Variants in TRPC6 observed in about 807,000 individuals in gnomAD.
The protein encoded by TRPC6 is short transient receptor potential channel 6.
In TRPC6, 55 loss-of-function variants were observed where a neutral mutation model predicts 90.7. The observed-to-expected ratio is 0.61, with a 90% CI of 0.49 to 0.76. The LOEUF (loss-of-function observed/expected upper bound fraction) is 0.76, where lower values mean the gene tolerates loss of function less well. Ranked by LOEUF, TRPC6 falls within the 30% of genes least tolerant of loss-of-function variation. TRPC6 has a pLI of 0.00. For synonymous variants in TRPC6, 393 were observed against 393.0 expected (o/e 1.00, Z 0.00); for missense variants, 989 against 1,122.7 (o/e 0.88, Z 1.70).
chr11:101,518,259 C>T (rs1428056441), intron 1 of TRPC6, among the ~76,000 whole-genome samples: 2 of 152,036 alleles, frequency 1.3e-5, no homozygotes, highest in African/African-American at 4.8e-5. Flanking sequence ...AGAGACAACC[C>T]ACAGAATCGA....
chr11:101,479,107 C>A (rs11224783), intron 5 of TRPC6, among the ~76,000 whole-genome samples: 43,879 of 152,110 alleles, frequency 0.29, 7,878 homozygotes, highest in African/African-American at 0.51. Context: ...CCCCAGCCCC[C>A]TCAAGTGCTG....
chr11:101,466,430 G>A (rs1859147431), intron 10 of TRPC6, among the ~76,000 whole-genome samples: 1 of 152,240 alleles, frequency 6.6e-6, no homozygotes, highest in Non-Finnish European at 1.5e-5. Flanking sequence ...CTGGCAGTCT[G>A]GCCACAGTGG....
At chr11:101,514,341 G>C (rs1203874820) in intron 1 of TRPC6, among the ~76,000 whole-genome samples, 1 of 152,188 alleles carries the variant, frequency 6.6e-6, no homozygotes, top group African/African-American at 2.4e-5. Context: ...AAGTAGTGTG[G>C]CATATAAATG....
At chr11:101,461,319 C>CTT (rs1343442462) in intron 10 of TRPC6, among the ~76,000 whole-genome samples, 1 of 152,188 alleles carries the variant, frequency 6.6e-6, no homozygotes, top group African/African-American at 2.4e-5. Context: ...AATCCCAGCA[C>CTT]TTTGGGAGGC....
intron 1 of TRPC6, among the ~76,000 whole-genome samples, chr11:101,573,228 TCCCTA>T (rs1337613383): frequency 6.6e-6 from 1 of 152,086 alleles, no homozygotes; most frequent in Non-Finnish European, 1.5e-5. Context: ...ATTTCTTGAG[TCCCTA>T]CCAGATGCGA....
At chr11:101,482,101 G>A (rs551741146) in intron 5 of TRPC6, among the ~76,000 whole-genome samples, 2 of 152,120 alleles carry the variant, frequency 1.3e-5, no homozygotes, top group Admixed American at 6.6e-5. Context: ...CCCAATCTGT[G>A]TATGTTCATA....
At chr11:101,570,645 C>A (rs1424387626) in intron 1 of TRPC6, among the ~76,000 whole-genome samples, 1 of 152,182 alleles carries the variant, frequency 6.6e-6, no homozygotes, top group African/African-American at 2.4e-5. Flanking sequence ...CAAACCAAAT[C>A]CAGCAGCACA....
intron 2 of TRPC6, among the ~76,000 whole-genome samples, chr11:101,498,342 T>G (rs767306955): frequency 1.3e-5 from 2 of 152,218 alleles, no homozygotes; most frequent in Non-Finnish European, 2.9e-5. Context: ...ATTGTATTAA[T>G]GTTTTCTCCC....
chr11:101,559,784 C>T (rs12790232), intron 1 of TRPC6, among the ~76,000 whole-genome samples: 2 of 126,562 alleles, frequency 1.6e-5, no homozygotes, highest in Non-Finnish European at 3.3e-5. Flanking sequence ...TCCCTCCCCC[C>T]TCCCCCCACC....
intron 1 of TRPC6, among the ~76,000 whole-genome samples, chr11:101,546,823 A>G (rs190550103): frequency 1.3e-5 from 2 of 152,198 alleles, no homozygotes; most frequent in East Asian, 1.9e-4. Context: ...ATATCTATCA[A>G]TAATAGAATG....
chr11:101,558,757 T>G (rs1055345333), intron 1 of TRPC6, among the ~76,000 whole-genome samples: 1 of 152,060 alleles, frequency 6.6e-6, no homozygotes, highest in African/African-American at 2.4e-5. Flanking sequence ...GAATACACAA[T>G]GGTAACTATC....
chr11:101,457,305 C>T (rs1343292470), intron 10 of TRPC6, among the ~76,000 whole-genome samples: 1 of 152,122 alleles, frequency 6.6e-6, no homozygotes, highest in Non-Finnish European at 1.5e-5. Flanking sequence ...CCTTCTACCA[C>T]ATTTTATGCA....
chr11:101,477,622 G>A (rs1057025878), intron 5 of TRPC6, among the ~76,000 whole-genome samples: 1 of 152,064 alleles, frequency 6.6e-6, no homozygotes, highest in Non-Finnish European at 1.5e-5. Context: ...CCATGGATTC[G>A]AGAATTTCTT....
intron 1 of TRPC6, among the ~76,000 whole-genome samples, chr11:101,510,005 A>T (rs1860362092): frequency 6.6e-6 from 1 of 152,172 alleles, no homozygotes; most frequent in Non-Finnish European, 1.5e-5. Context: ...GCATATTACA[A>T]ATGCAGGCCC....
intron 1 of TRPC6, among the ~76,000 whole-genome samples, chr11:101,534,622 AAAAGAT>A (rs1860992352): frequency 6.6e-6 from 1 of 152,204 alleles, no homozygotes; most frequent in Non-Finnish European, 1.5e-5. Flanking sequence ...TACTATAGAT[AAAAGAT>A]TAATAACTCC....
intron 1 of TRPC6, among the ~76,000 whole-genome samples, chr11:101,507,006 A>ACACACAC (rs1860285275): frequency 7.6e-6 from 1 of 131,082 alleles, no homozygotes. Flanking sequence ...CTCTCTCTCT[A>ACACACAC]ACACACACAC....
intron 1 of TRPC6, among the ~76,000 whole-genome samples, chr11:101,536,421 AAG>A (rs1350100806): frequency 6.6e-6 from 1 of 150,674 alleles, no homozygotes; most frequent in Non-Finnish European, 1.5e-5. Flanking sequence ...AAAAAAAAGA[AAG>A]AAAAGAAAAT....
chr11:101,573,770 A>G (rs1862012767), intron 1 of TRPC6, among the ~76,000 whole-genome samples: 1 of 152,224 alleles, frequency 6.6e-6, no homozygotes, highest in Non-Finnish European at 1.5e-5. Flanking sequence ...CTGTCAGTCA[A>G]GTGTCAGTCA....
At chr11:101,560,853 C>A (rs1861695442) in intron 1 of TRPC6, among the ~76,000 whole-genome samples, 1 of 151,976 alleles carries the variant, frequency 6.6e-6, no homozygotes, top group South Asian at 2.1e-4. Context: ...TATTAGAGCA[C>A]AAAGATGGGG....
Sources: allele counts gnomAD v4.1 joint callset (sites outside exome capture counted in the v4.1 genomes callset), GRCh38; gene constraint gnomAD v4.1.1; transcripts MANE v1.5; gene names NCBI Gene and HGNC (gene_info 2026-07-23, HGNC 2026-07-21).